IL1RAP: variants seen among roughly 807,000 people sequenced by gnomAD.
The protein encoded by IL1RAP is interleukin 1 receptor accessory protein.
Under a neutral mutation model 60.7 loss-of-function variants are expected in IL1RAP, and 35 were observed. That is an observed-to-expected ratio of 0.58 (90% CI 0.44 to 0.76). IL1RAP has a LOEUF of 0.76. Among genes scored for constraint, IL1RAP ranks in the 30% least tolerant of loss-of-function variants. The pLI is 0.00. For synonymous variants in IL1RAP, 268 were observed against 250.9 expected (o/e 1.07, Z -0.64); for missense variants, 572 against 693.9 (o/e 0.82, Z 1.97).
intron 3 of IL1RAP, among the ~76,000 whole-genome samples, chr3:190,576,696 A>G (rs1417649520): frequency 2.0e-5 from 3 of 152,176 alleles, no homozygotes; most frequent in Non-Finnish European, 2.9e-5. Flanking sequence ...GACCTGGGCT[A>G]TTTGTTTCAA....
rs372680992 is a variant in IL1RAP, at chr3:190,534,200, AT to A, written c.-89+19982del. 5.3e-5 allele frequency among the ~76,000 whole-genome samples: 8 copies of A among 152,210 alleles called. No homozygotes were observed. In the East Asian group the frequency reaches 9.7e-4, roughly 18 times the overall value. On this transcript the variant is annotated intron_variant, in intron 1 of 11. Transcript: ENST00000447382. ...CTACCGATCGGTGCTGCAACTAAGA[AT>A]GGACAGTATTTAAATAAGATGATCT... is the stretch of plus-strand genomic sequence containing the variant.
At chr3:190,586,383 G>T (rs4687154) in intron 3 of IL1RAP, among the ~76,000 whole-genome samples, 1 of 152,088 alleles carries the variant, frequency 6.6e-6, no homozygotes, top group Non-Finnish European at 1.5e-5. Context: ...CATGCCATAA[G>T]CCACAGTTCA....
intron 9 of IL1RAP, among the ~76,000 whole-genome samples, chr3:190,639,110 G>T (rs192925802): frequency 1.3e-5 from 2 of 152,204 alleles, no homozygotes; most frequent in African/African-American, 4.8e-5. Context: ...CTTTGTGTGT[G>T]TGTGTTTCTT....
intron 1 of IL1RAP, among the ~76,000 whole-genome samples, chr3:190,555,481 C>A (rs1298531751): frequency 1.1e-4 from 17 of 152,164 alleles, no homozygotes; most frequent in Admixed American, 1.1e-3. Flanking sequence ...GATCCATAAT[C>A]CCAAACATGT....
At chr3:190,608,503 G>C (rs185676977) in intron 4 of IL1RAP, among the ~76,000 whole-genome samples, 1 of 152,148 alleles carries the variant, frequency 6.6e-6, no homozygotes. Flanking sequence ...GAATGAATGT[G>C]AAAGCCCAGG....
intron 5 of IL1RAP, among the ~76,000 whole-genome samples, chr3:190,613,092 C>T (rs977263271): frequency 1.3e-5 from 2 of 152,040 alleles, no homozygotes; most frequent in Non-Finnish European, 2.9e-5. Context: ...TTCTAAGTTT[C>T]ATAAGAGTGA....
At chr3:190,570,845 C>G in intron 3 of IL1RAP, among the ~76,000 whole-genome samples, 1 of 152,166 alleles carries the variant, frequency 6.6e-6, no homozygotes, top group Non-Finnish European at 1.5e-5. Context: ...GAATGGCAGG[C>G]TACTTTCATA....
intron 1 of IL1RAP, among the ~76,000 whole-genome samples, chr3:190,515,983 G>C (rs1267570169): frequency 6.6e-6 from 1 of 152,074 alleles, no homozygotes; most frequent in Non-Finnish European, 1.5e-5. Context: ...AAGTTAAATG[G>C]ATTCCCTCCC....
At chr3:190,564,098 CA>C in intron 2 of IL1RAP, 190 bp from the exon 3 acceptor site, 1 of 562,024 alleles carries the variant, frequency 1.8e-6, no homozygotes, top group East Asian at 2.8e-5. Context: ...AATTGAAAAA[CA>C]AACAACAAAA....
At chr3:190,659,747 C>T (rs900505889) in exon 12 of IL1RAP, 3 of 152,262 alleles carry the variant, frequency 2.0e-5, no homozygotes, top group Admixed American at 6.5e-5. Flanking sequence ...TATTATCAAC[C>T]TCATTGGATG....
At chr3:190,602,228 T>C (rs1729926534) in intron 3 of IL1RAP, among the ~76,000 whole-genome samples, 1 of 152,220 alleles carries the variant, frequency 6.6e-6, no homozygotes, top group African/African-American at 2.4e-5. Flanking sequence ...AGTGACCTTG[T>C]GGAACTAAGC....
At chr3:190,601,591 T>G (rs1729865296) in intron 3 of IL1RAP, among the ~76,000 whole-genome samples, 1 of 152,186 alleles carries the variant, frequency 6.6e-6, no homozygotes, top group Admixed American at 6.5e-5. Flanking sequence ...TTTATCAAAA[T>G]TAGAATAATG....
downstream of IL1RAP, among the ~76,000 whole-genome samples, chr3:190,652,981 T>C (rs982715882): frequency 5.3e-5 from 8 of 152,204 alleles, no homozygotes; most frequent in African/African-American, 1.9e-4. Context: ...AAATACACAG[T>C]ATGGTATGAG....
chr3:190,622,889 T>C (rs553317946), intron 6 of IL1RAP, among the ~76,000 whole-genome samples: 2 of 152,272 alleles, frequency 1.3e-5, no homozygotes, highest in Admixed American at 1.3e-4. Flanking sequence ...AGGCTGGAGA[T>C]TGTGTTAATC....
Position 190,648,549 on chromosome 3 carries a change from G to A in IL1RAP, c.1557G>A (p.Thr519=), listed in dbSNP as rs1334298243. The change falls in exon 12 of 12, where the codon ACG becomes ACA. Residue 519 remains threonine (T), a synonymous_variant. Transcript: ENST00000447382. ...TGAAAGAGCTGAAGAGGGCTAAGAC[G>A]GTGCTCACGGTCATTAAATGGAAAG... is the stretch of plus-strand genomic sequence containing the variant. The part of the protein sequence containing the change: ...TKVKELKRAK[T]VLTVIKWKGE... 8.7e-6 allele frequency: 14 copies of A among 1,614,096 alleles called. No individual in the cohort carries two copies. The highest frequency in any genetic ancestry group is 6.7e-5 in the Admixed American group (4 of 60,012).
At chr3:190,553,958 G>A (rs1401490516) in intron 1 of IL1RAP, among the ~76,000 whole-genome samples, 1 of 150,358 alleles carries the variant, frequency 6.7e-6, no homozygotes, top group African/African-American at 2.4e-5. Flanking sequence ...CTACTCGGGA[G>A]GCTGAGGCAG....
Position 190,649,846 on chromosome 3 carries a change from G to T in IL1RAP, c.*1141G>T. The T allele has an allele frequency of 1.0e-6, 1 of 985,180 alleles. No individual in the cohort carries two copies. The highest frequency in any genetic ancestry group is 4.7e-5 in the South Asian group (1 of 21,286). 61.0% of individuals were successfully genotyped at this position (985,180 alleles called of 1,614,324 possible). ...ACTGTCAATGAAAGTTGTTTTGTTT[G>T]TTTTCAGTAATATTTTGCTGTTTTT... On this transcript the variant is annotated 3_prime_UTR_variant, in exon 12 of 12. Coordinates refer to ENST00000447382, the MANE Select transcript of IL1RAP (RefSeq NM_002182.4).
At chr3:190,517,900 C>G (rs1028701532) in intron 1 of IL1RAP, 2 of 152,058 alleles carry the variant, frequency 1.3e-5, no homozygotes, top group Non-Finnish European at 2.9e-5. Flanking sequence ...TCACTGTTGC[C>G]TTGCCCATGA....
chr3:190,564,447 T>A (rs1577603896), intron 3 of IL1RAP, 94 bp downstream of exon 3: 4 of 812,370 alleles, frequency 4.9e-6, no homozygotes. Flanking sequence ...ATAAACATAA[T>A]GTTATTCATG....
Sources: allele counts gnomAD v4.1 joint callset (sites outside exome capture counted in the v4.1 genomes callset), GRCh38; gene constraint gnomAD v4.1.1; transcripts MANE v1.5; gene names NCBI Gene and HGNC (gene_info 2026-07-23, HGNC 2026-07-21).